The following RNF144B variants were observed in gnomAD, a reference collection of about 807,000 sequenced individuals.
RNF144B encodes the protein ring finger protein 144B.
A neutral mutation model predicts 40.2 loss-of-function variants in RNF144B; 25 were observed. The ratio of observed to expected loss-of-function variants is 0.62; its 90% CI spans 0.45 to 0.87. The LOEUF is 0.87. RNF144B is among the 40% of genes least tolerant of loss of function. The pLI is 0.00. For missense variants in RNF144B, 365 were observed against 373.7 expected, an observed-to-expected ratio of 0.98 and a Z score of 0.19; for synonymous variants, 145 against 136.3, an observed-to-expected ratio of 1.06 and a Z score of -0.44.
At chr6:18,421,273 T>TACACACACACACAC (rs1170609706) in intron 2 of RNF144B, among the ~76,000 whole-genome samples, 2 of 102,266 alleles carry the variant, frequency 2.0e-5, no homozygotes, top group African/African-American at 7.2e-5. Context: ...TTATATATTA[T>TACACACACACACAC]ACACACACAC....
rs1397921443 is a variant in RNF144B, at chr6:18,414,066, G to A, written c.166-13515G>A. On this transcript the variant is annotated intron_variant, in intron 2 of 7. Transcript: ENST00000259939. The surrounding 1 kb of genome is among the most constrained non-coding windows in gnomAD (Gnocchi z 4.9). ...CAGGTTTTGCAGGATAAATCCTCGG[G>A]GGAATATTGTGAGGTGAGGAATAGT... Among the ~76,000 whole-genome samples the A allele has an allele frequency of 6.6e-6, 1 of 152,096 alleles. No individual in the cohort carries two copies. Among genetic ancestry groups the A allele is most frequent in the Non-Finnish European group, 1.5e-5 (1 of 68,032 alleles).
In RNF144B at chr6:18,463,705, A is replaced by G. The variant is rs529115274; in HGVS notation, c.771+325A>G. Among the ~76,000 whole-genome samples the G allele has an allele frequency of 3.9e-4, 59 of 152,316 alleles. No individual in the cohort carries two copies. The South Asian group carries it at 4.1e-3, about 11-fold the overall frequency. ...TTCCTAAAGCCCTTTAAGGCATATT[A>G]CCTATCAAAGGCAGTGTATTAGTCT... is the stretch of plus-strand genomic sequence containing the variant. On this transcript the variant is annotated intron_variant, in intron 7 of 7. Transcript: ENST00000259939.
intron 3 of RNF144B, among the ~76,000 whole-genome samples, chr6:18,432,248 G>A (rs1336716815): frequency 6.6e-6 from 1 of 152,138 alleles, no homozygotes; most frequent in Non-Finnish European, 1.5e-5. Context: ...GGGAGGTCCT[G>A]GAACCAGTGC....
Position 18,405,150 on chromosome 6 carries a change from T to TTA in RNF144B, c.165+5452_165+5453insAT, listed in dbSNP as rs1794873768. 6.8e-6 allele frequency among the ~76,000 whole-genome samples: 1 copy of TTA among 146,232 alleles called. No homozygotes were observed. The highest frequency in any genetic ancestry group is 1.5e-5 in the Non-Finnish European group (1 of 66,782). On this transcript the variant is annotated intron_variant, in intron 2 of 7. Coordinates refer to ENST00000259939, the MANE Select transcript of RNF144B (RefSeq NM_182757.4). The surrounding 1 kb of genome is among the most constrained non-coding windows in gnomAD (Gnocchi z 4.5). ...CTTGCTTGCAAGGTTAGTTTTTTTC[T>TTA]TTATTATTATTATTATTATTATTAT...
At chr6:18,392,107 C>A (rs1241735336) in intron 1 of RNF144B, among the ~76,000 whole-genome samples, 1 of 147,050 alleles carries the variant, frequency 6.8e-6, no homozygotes, top group Non-Finnish European at 1.5e-5. Flanking sequence ...ACTTGGGAGG[C>A]TGAGGCAGGA....
In RNF144B at chr6:18,450,791, A is replaced by G. The variant is rs1430378252; in HGVS notation, c.332-6364A>G. Reference sequence around the variant, plus strand: ...AATCTTAATTCTAATATCCAGAAAAAGTCTGTTCTCTCTTCTACAGCTTCT... The same window carrying G: ...AATCTTAATTCTAATATCCAGAAAAGGTCTGTTCTCTCTTCTACAGCTTCT... On this transcript the variant is annotated intron_variant, in intron 4 of 7. Transcript: ENST00000259939. This position sits in a 1 kb window ranked among gnomAD's most constrained non-coding sequence, Gnocchi z 4.7. Among the ~76,000 whole-genome samples the G allele has an allele frequency of 6.6e-6, 1 of 152,214 alleles. No individual in the cohort carries two copies. The highest frequency in any genetic ancestry group is 1.9e-4 in the East Asian group (1 of 5,194).
chr6:18,417,988 A>T (rs1039937583), intron 2 of RNF144B, among the ~76,000 whole-genome samples: 1 of 152,230 alleles, frequency 6.6e-6, no homozygotes, highest in African/African-American at 2.4e-5. Flanking sequence ...ATGTGAAAAG[A>T]TGCTCAAAAT....
chr6:18,391,696 T>C (rs1309650430), intron 1 of RNF144B, among the ~76,000 whole-genome samples: 1 of 150,148 alleles, frequency 6.7e-6, no homozygotes, highest in Non-Finnish European at 1.5e-5. Context: ...TGAAACCACA[T>C]CTCTACTAAA....
At position 18,456,231 on chromosome 6, in the gene RNF144B, G is replaced by A. The variant is rs542229399; in HGVS notation, c.332-924G>A. On this transcript the variant is annotated intron_variant, in intron 4 of 7. Transcript: ENST00000259939. The surrounding 1 kb of genome is among the most constrained non-coding windows in gnomAD (Gnocchi z 4.7). ...GCCACAGTGCCCGGCCCACATGTGGGTCTTTCACACATTGTCCCTAAGTTG... is the reference window on the plus strand; with the variant it reads ...GCCACAGTGCCCGGCCCACATGTGGATCTTTCACACATTGTCCCTAAGTTG... Among the ~76,000 whole-genome samples the A allele has an allele frequency of 4.8e-4, 73 of 152,234 alleles. No homozygotes were observed. The highest frequency in any genetic ancestry group is 1.7e-3 in the African/African-American group (72 of 41,564).
chr6:18,428,766 G>C (rs910609255), intron 3 of RNF144B, among the ~76,000 whole-genome samples: 25 of 152,166 alleles, frequency 1.6e-4, no homozygotes, highest in Non-Finnish European at 5.9e-5. Context: ...ATGAAATTGG[G>C]TGTTGCTTTC....
intron 4 of RNF144B, among the ~76,000 whole-genome samples, chr6:18,445,785 G>A (rs373958291): frequency 1.2e-4 from 19 of 152,250 alleles, no homozygotes; most frequent in African/African-American, 4.6e-4. Flanking sequence ...TAGTTGACTA[G>A]GCATCAGTTC....
intron 7 of RNF144B, among the ~76,000 whole-genome samples, chr6:18,463,736 C>T (rs1759518856): frequency 6.6e-6 from 1 of 152,184 alleles, no homozygotes; most frequent in African/African-American, 2.4e-5. Context: ...AGTCTGTTCT[C>T]ACACTGCTAA....
intron 4 of RNF144B, among the ~76,000 whole-genome samples, chr6:18,440,409 A>G (rs9465142): frequency 6.6e-6 from 1 of 151,938 alleles, no homozygotes; most frequent in Non-Finnish European, 1.5e-5. Flanking sequence ...GTATCTCAGA[A>G]GTAGGAAAAA....
In RNF144B at chr6:18,418,105, AAAG is replaced by A. The variant is rs1221416738; in HGVS notation, c.166-9472_166-9470del. ...AAATAACGAGTTTTGATGAGAATTT[AAAG>A]AAGTTGAAACTCTCATACACTGCTG... On this transcript the variant is annotated intron_variant, in intron 2 of 7. Transcript: ENST00000259939. The surrounding 1 kb of genome is among the most constrained non-coding windows in gnomAD (Gnocchi z 5.2). Among the ~76,000 whole-genome samples, 7 of 152,234 alleles carry A rather than the reference AAAG, an allele frequency of 4.6e-5. No homozygotes were observed. Among genetic ancestry groups the A allele is most frequent in the African/African-American group, 1.7e-4 (7 of 41,474 alleles).
intron 2 of RNF144B, among the ~76,000 whole-genome samples, chr6:18,426,582 A>G (rs142894326): frequency 3.2e-4 from 49 of 152,206 alleles, no homozygotes; most frequent in Non-Finnish European, 5.9e-4. Flanking sequence ...GAGCAGACCA[A>G]CTTTGTTCCT....
chr6:18,389,614 A>G (rs536170962), intron 1 of RNF144B, among the ~76,000 whole-genome samples: 1 of 152,200 alleles, frequency 6.6e-6, no homozygotes, highest in East Asian at 1.9e-4. Context: ...TGGAGAGTGA[A>G]GTTTTTAGTG....
chr6:18,409,137 G>A (rs988275225), intron 2 of RNF144B, among the ~76,000 whole-genome samples: 6 of 151,788 alleles, frequency 4.0e-5, no homozygotes. Flanking sequence ...ATGCACTTTG[G>A]GAGGCCGAGG....
Position 18,464,843 on chromosome 6 carries a change from C to T in RNF144B, c.772-84C>T. 7.4e-7 allele frequency: 1 copy of T among 1,345,934 alleles called. No homozygotes were observed. The highest frequency in any genetic ancestry group is 1.0e-6 in the Non-Finnish European group (1 of 957,192). 83.4% of individuals were successfully genotyped at this position (1,345,934 alleles called of 1,614,324 possible). A position where few individuals can be genotyped will look rare whatever the true frequency, so the allele number is the denominator to read the frequency against. ...TTCAGGGGGACACAAACATTTGGCC[C>T]ACAGCAGATAACAGTATAGTTGGAA... On this transcript the variant is annotated intron_variant, in intron 7 of 7. Coordinates refer to ENST00000259939, the MANE Select transcript of RNF144B (RefSeq NM_182757.4). This position sits in a 1 kb window ranked among gnomAD's most constrained non-coding sequence, Gnocchi z 6.1.
In RNF144B at chr6:18,457,245, T is replaced by C. The variant is rs769047554; in HGVS notation, c.422T>C (p.Val141Ala). The part of the protein sequence containing the change: ...PVASSDPGQP[V>A]LVECPSCHLK... ...GCCTCGAGTGACCCAGGACAGCCTGTGCTGGTGGAATGCCCTTCTTGCCAC... is the reference window on the plus strand; with the variant it reads ...GCCTCGAGTGACCCAGGACAGCCTGCGCTGGTGGAATGCCCTTCTTGCCAC... Residue 141 changes from valine to alanine, a missense_variant, in exon 5 of 8, where the codon GTG becomes GCG. Val to Ala is a moderately conservative substitution (Grantham distance 64). Transcript: ENST00000259939. The surrounding 1 kb of genome is among the most constrained non-coding windows in gnomAD (Gnocchi z 5.1). The C allele has an allele frequency of 6.2e-7, 1 of 1,614,146 alleles. No individual in the cohort carries two copies. The highest frequency in any genetic ancestry group is 1.7e-5 in the Admixed American group (1 of 60,022).
Sources: gnomAD v4.1 joint callset for allele counts (sites outside exome capture counted in the v4.1 genomes callset) on GRCh38, gnomAD v4.1.1 for gene constraint, Gnocchi (gnomAD v3.1) non-coding constraint, MANE v1.5 for transcripts, NCBI Gene and HGNC (gene_info 2026-07-23, HGNC 2026-07-21) for gene names.